RSPO3: variants seen among roughly 807,000 people sequenced by gnomAD.
RSPO3 encodes R-spondin 3.
RSPO3 carries 17 observed loss-of-function variants against 36.5 expected under a neutral mutation model. That is an observed-to-expected ratio of 0.47 (90% CI 0.32 to 0.70). RSPO3 has a LOEUF of 0.70. RSPO3 is among the 30% of genes least tolerant of loss of function. The pLI is 0.04. For synonymous variants in RSPO3, 108 were observed against 107.0 expected, an observed-to-expected ratio of 1.01 and a Z score of -0.06; for missense variants, 294 against 322.5, an observed-to-expected ratio of 0.91 and a Z score of 0.68.
chr6:127,183,363 A>G (rs1775227435), intron 4 of RSPO3, among the ~76,000 whole-genome samples: 1 of 152,036 alleles, frequency 6.6e-6, no homozygotes, highest in African/African-American at 2.4e-5. Flanking sequence ...AACATGATAT[A>G]GCTCTCTGGA....
intron 4 of RSPO3, among the ~76,000 whole-genome samples, chr6:127,190,939 AT>A (rs1334271104): frequency 1.3e-5 from 2 of 152,156 alleles, no homozygotes; most frequent in African/African-American, 4.8e-5. Flanking sequence ...TCATAACCTC[AT>A]TATGTTTAAA....
rs533290116 is a variant in RSPO3, at chr6:127,160,730, GGT to G, written c.634+5297_634+5298del. 2.2e-3 allele frequency among the ~76,000 whole-genome samples: 332 copies of G among 152,194 alleles called. 1 individual carries two copies. Among genetic ancestry groups the G allele is most frequent in the African/African-American group, 7.6e-3 (316 of 41,538 alleles). On this transcript the variant is annotated intron_variant, in intron 4 of 4. Transcript: ENST00000356698. ...GGCAAACTGACATGGCACATTGGTG[GGT>G]GTGTCTTTTAGAAAGGTGCTTCCAC...
chr6:127,126,110 A>T (rs1301106255), intron 1 of RSPO3, among the ~76,000 whole-genome samples: 2 of 152,136 alleles, frequency 1.3e-5, no homozygotes, highest in African/African-American at 4.8e-5. Flanking sequence ...GGTCTGGGTG[A>T]ATGGAAAAAT....
chr6:127,139,779 C>T (rs1052388256), intron 1 of RSPO3, among the ~76,000 whole-genome samples: 1 of 152,048 alleles, frequency 6.6e-6, no homozygotes, highest in African/African-American at 2.4e-5. Context: ...CATCCACCCC[C>T]TCTTGTCCTC....
intron 4 of RSPO3, among the ~76,000 whole-genome samples, chr6:127,181,441 A>G (rs1408519218): frequency 1.3e-5 from 2 of 151,900 alleles, no homozygotes; most frequent in African/African-American, 2.4e-5. Flanking sequence ...ATGCCTGAAA[A>G]GAGTTGCTAA....
chr6:127,182,366 T>C (rs1775206398), intron 4 of RSPO3, among the ~76,000 whole-genome samples: 1 of 151,922 alleles, frequency 6.6e-6, no homozygotes, highest in Admixed American at 6.6e-5. Flanking sequence ...GCTCAGAAAA[T>C]AAAAACCAAA....
intron 1 of RSPO3, among the ~76,000 whole-genome samples, chr6:127,145,595 C>T (rs140119433): frequency 2.7e-4 from 41 of 152,294 alleles, no homozygotes; most frequent in African/African-American, 9.1e-4. Context: ...CAGTCTCCTT[C>T]CCAGCTTGGG....
rs1348896293 is a variant in RSPO3 at position 127,132,518 on chromosome 6, G to A, written c.97+13229G>A. On this transcript the variant is annotated intron_variant, in intron 1 of 4. Transcript: ENST00000356698. The stretch of plus-strand genomic sequence containing the variant: ...TTTAATGGCTTAAAAAAAGGTGGGG[G>A]CAATTACAAATCTTATCACATGCCA... Among the ~76,000 whole-genome samples the A allele has an allele frequency of 3.3e-5, 5 of 151,864 alleles. 1 individual carries two copies. The highest frequency in any genetic ancestry group is 4.8e-5 in the African/African-American group (2 of 41,374).
At chr6:127,173,761 T>G (rs1278401462) in intron 4 of RSPO3, among the ~76,000 whole-genome samples, 1 of 151,822 alleles carries the variant, frequency 6.6e-6, no homozygotes, top group Non-Finnish European at 1.5e-5. Context: ...GACTTTGGGT[T>G]TGTTCTTTGG....
rs375073282 is a variant in RSPO3, at chr6:127,120,344, G to C, written c.97+1055G>C. On this transcript the variant is annotated intron_variant, in intron 1 of 4. Transcript: ENST00000356698. Reference sequence around the variant, plus strand: ...TCCTTTCGCAGATCTCAGAGCAGGGGCGACCCTGGCTCTATGGTTGGGGGC... The same window carrying C: ...TCCTTTCGCAGATCTCAGAGCAGGGCCGACCCTGGCTCTATGGTTGGGGGC... 9.8e-4 allele frequency among the ~76,000 whole-genome samples: 149 copies of C among 152,284 alleles called. No homozygotes were observed. In the South Asian group the frequency reaches 0.029, roughly 30 times the overall value.
At chr6:127,136,496 T>C (rs2114558641) in intron 1 of RSPO3, among the ~76,000 whole-genome samples, 1 of 152,320 alleles carries the variant, frequency 6.6e-6, no homozygotes, top group East Asian at 1.9e-4. Context: ...AAAAGTATCA[T>C]TTTGCCCATT....
intron 4 of RSPO3, among the ~76,000 whole-genome samples, chr6:127,184,365 C>A (rs1651953671): frequency 6.6e-6 from 1 of 151,762 alleles, no homozygotes. Context: ...ATCACCTTGA[C>A]AAATTGCAAA....
chr6:127,177,005 T>C (rs1033661544), intron 4 of RSPO3, among the ~76,000 whole-genome samples: 3 of 151,800 alleles, frequency 2.0e-5, no homozygotes, highest in Non-Finnish European at 4.4e-5. Flanking sequence ...CGTTCCTTAT[T>C]GCAAGGACTT....
intron 3 of RSPO3, among the ~76,000 whole-genome samples, chr6:127,153,369 T>C (rs904094893): frequency 2.0e-5 from 3 of 151,942 alleles, no homozygotes; most frequent in African/African-American, 7.3e-5. Flanking sequence ...TTAGTGGAAA[T>C]ATTATTTGGA....
chr6:127,162,424 TATTTCCTTTGTAA>T (rs1199847934), intron 4 of RSPO3, among the ~76,000 whole-genome samples: 1 of 152,186 alleles, frequency 6.6e-6, no homozygotes, highest in Non-Finnish European at 1.5e-5. Context: ...AAGAGATTTG[TATTTCCTTTGTAA>T]ATTTCCTTCC....
At chr6:127,193,387 A>G (rs1375601986) in intron 4 of RSPO3, among the ~76,000 whole-genome samples, 1 of 152,212 alleles carries the variant, frequency 6.6e-6, no homozygotes, top group Non-Finnish European at 1.5e-5. Context: ...TGTGTCCAAA[A>G]CATTATGGTT....
intron 4 of RSPO3, among the ~76,000 whole-genome samples, chr6:127,193,501 G>GT (rs991837094): frequency 1.3e-5 from 2 of 152,138 alleles, no homozygotes; most frequent in African/African-American, 4.8e-5. Flanking sequence ...GGGGTCAGTA[G>GT]TTTTTATGGA....
chr6:127,154,484 G>A (rs143700422), intron 3 of RSPO3, among the ~76,000 whole-genome samples: 21 of 152,286 alleles, frequency 1.4e-4, no homozygotes, highest in Middle Eastern at 6.8e-3. Context: ...ACTTGGTCAG[G>A]TTAATTTTAG....
intron 4 of RSPO3, 120 bp downstream of exon 4, chr6:127,155,558 C>A: frequency 4.2e-6 from 4 of 942,496 alleles, no homozygotes; most frequent in Non-Finnish European, 4.9e-6. Context: ...AAATGTGTAC[C>A]AAGCAAGAAT....
Sources: gnomAD v4.1 joint callset for allele counts (sites outside exome capture counted in the v4.1 genomes callset) on GRCh38, gnomAD v4.1.1 for gene constraint, MANE v1.5 for transcripts, NCBI Gene and HGNC (gene_info 2026-07-23, HGNC 2026-07-21) for gene names.